Variants in PDE11A observed in about 807,000 individuals in gnomAD.
The protein encoded by PDE11A is phosphodiesterase 11A, also known as dual 3',5'-cyclic-AMP and -GMP phosphodiesterase 11A.
A neutral mutation model predicts 100.5 loss-of-function variants in PDE11A; 100 were observed. The ratio of observed to expected loss-of-function variants is 1.00; its 90% CI spans 0.85 to 1.18. The LOEUF (loss-of-function observed/expected upper bound fraction) is 1.18. Among genes scored for constraint, PDE11A ranks in the 50% most tolerant of loss-of-function variants. PDE11A has a pLI of 0.00. For synonymous variants in PDE11A, 381 were observed against 420.8 expected (o/e 0.91, Z 1.16); for missense variants, 1,141 against 1,152.6 (o/e 0.99, Z 0.15).
At chr2:177,753,778 G>C (rs983235030) in intron 10 of PDE11A, among the ~76,000 whole-genome samples, 1 of 150,898 alleles carries the variant, frequency 6.6e-6, no homozygotes, top group South Asian at 2.1e-4. Context: ...GATAAGATTG[G>C]GGGGGCCAAC....
At chr2:177,805,040 C>T (rs529168825) in intron 9 of PDE11A, among the ~76,000 whole-genome samples, 27 of 151,312 alleles carry the variant, frequency 1.8e-4, no homozygotes, top group African/African-American at 6.1e-4. Context: ...ATAATATATC[C>T]ATGTAAGAAA....
intron 3 of PDE11A, among the ~76,000 whole-genome samples, chr2:177,899,839 C>A (rs1310514606): frequency 6.6e-6 from 1 of 150,892 alleles, no homozygotes; most frequent in Non-Finnish European, 1.5e-5. Flanking sequence ...GGAAATACTG[C>A]TTTATCCCAA....
intron 2 of PDE11A, among the ~76,000 whole-genome samples, chr2:177,914,636 G>A (rs577080309): frequency 2.0e-4 from 30 of 152,244 alleles, no homozygotes; most frequent in Non-Finnish European, 3.4e-4. Context: ...AGGTATAAAT[G>A]CAGGAAGCTA....
At chr2:178,077,252 CTTTCTTTCTTT>C (rs1478389032), upstream of PDE11A, among the ~76,000 whole-genome samples, 28 of 72,888 alleles carry the variant, frequency 3.8e-4, no homozygotes, top group Non-Finnish European at 7.1e-4. Context: ...CTTTTCTTTT[CTTTCTTTCTTT>C]TTTTTTTTTT....
intron 9 of PDE11A, among the ~76,000 whole-genome samples, chr2:177,772,032 A>AAATAAATAAAT (rs1558930688): frequency 1.9e-3 from 266 of 141,296 alleles, no homozygotes; most frequent in African/African-American, 7.5e-3. Context: ...AATAAATAAA[A>AAATAAATAAAT]ATAATGCTAC....
chr2:177,664,781 G>A (rs895146436), intron 18 of PDE11A, among the ~76,000 whole-genome samples: 1 of 152,016 alleles, frequency 6.6e-6, no homozygotes, highest in Non-Finnish European at 1.5e-5. Context: ...CTAGAAGACT[G>A]GGCTATCTAG....
rs1218214485 is a variant in PDE11A at position 177,675,457 on chromosome 2, G to C, written c.2485C>G (p.Gln829Glu). 1 of 1,610,816 alleles carries C rather than the reference G, an allele frequency of 6.2e-7. No individual in the cohort carries two copies. ...CCCTGCCATTAATCACCACTTGCCT[G>C]TCTGGAGATCTCCCACGGTTTGGTC... is the stretch of plus-strand genomic sequence containing the variant. ...AVTKPWEISRQVAELVTSEFF... is the reference protein window; with the variant it reads ...AVTKPWEISREVAELVTSEFF... Residue 829 changes from glutamine to glutamate, a missense_variant and splice_region_variant, in exon 17 of 20, where the codon CAG (glutamine) becomes GAG (glutamate). Transcript: ENST00000286063.
intron 5 of PDE11A, among the ~76,000 whole-genome samples, chr2:177,844,750 A>C (rs910090031): frequency 2.0e-5 from 3 of 150,938 alleles, no homozygotes. Flanking sequence ...CTTAACGAGC[A>C]TGCTGCCTTC....
intron 5 of PDE11A, among the ~76,000 whole-genome samples, chr2:177,853,639 T>TGC (rs2083757072): frequency 4.2e-4 from 3 of 7,066 alleles, no homozygotes; most frequent in East Asian, 0.012. Flanking sequence ...GTCCTGCATA[T>TGC]ATATATATAT....
intron 1 of PDE11A, among the ~76,000 whole-genome samples, chr2:178,062,247 A>G (rs1164537494): frequency 6.6e-6 from 1 of 150,424 alleles, no homozygotes; most frequent in Non-Finnish European, 1.5e-5. Context: ...AAGGAGGGCT[A>G]TGGCTAGGGC....
chr2:177,643,345 T>A (rs554214608), intron 19 of PDE11A, among the ~76,000 whole-genome samples: 1 of 152,112 alleles, frequency 6.6e-6, no homozygotes, highest in Non-Finnish European at 1.5e-5. Flanking sequence ...TGGTCTCAGA[T>A]GGAGATGAGG....
At chr2:177,912,165 G>A (rs769594271) in intron 2 of PDE11A, among the ~76,000 whole-genome samples, 5 of 152,230 alleles carry the variant, frequency 3.3e-5, no homozygotes, top group Admixed American at 1.3e-4. Context: ...ATCCTAAAGC[G>A]TGAATCTTTA....
intron 3 of PDE11A, among the ~76,000 whole-genome samples, chr2:177,898,942 T>C (rs2084656429): frequency 6.6e-6 from 1 of 152,214 alleles, no homozygotes; most frequent in Non-Finnish European, 1.5e-5. Flanking sequence ...ACCCCATTTC[T>C]CTGGAGTCTG....
intron 2 of PDE11A, among the ~76,000 whole-genome samples, chr2:177,979,842 C>A (rs1365064422): frequency 2.0e-5 from 3 of 149,852 alleles, no homozygotes; most frequent in African/African-American, 7.3e-5. Context: ...GATCTCCTGA[C>A]CTCATGATCC....
chr2:178,051,805 A>C (rs1179309392), intron 1 of PDE11A, among the ~76,000 whole-genome samples: 1 of 152,224 alleles, frequency 6.6e-6, no homozygotes, highest in Admixed American at 6.5e-5. Flanking sequence ...TTCAACAAGA[A>C]GAGCTAACTA....
intron 2 of PDE11A, among the ~76,000 whole-genome samples, chr2:178,078,970 A>T (rs2087249821): frequency 6.6e-6 from 1 of 152,216 alleles, no homozygotes; most frequent in African/African-American, 2.4e-5. Context: ...ACCACTGATG[A>T]AGTCTGACAG....
chr2:178,059,146 G>T (rs879652750), intron 1 of PDE11A, among the ~76,000 whole-genome samples: 1 of 152,172 alleles, frequency 6.6e-6, no homozygotes, highest in Admixed American at 6.5e-5. Context: ...TGGGTTCTCA[G>T]CCTCTGCCTC....
chr2:177,836,730 A>C (rs746549526), intron 6 of PDE11A, among the ~76,000 whole-genome samples: 1 of 152,190 alleles, frequency 6.6e-6, no homozygotes, highest in African/African-American at 2.4e-5. Context: ...TCCTGAGGCC[A>C]GTGAGACCAC....
intron 4 of PDE11A, among the ~76,000 whole-genome samples, chr2:177,885,549 A>G (rs186127089): frequency 2.5e-4 from 38 of 152,324 alleles, no homozygotes; most frequent in Non-Finnish European, 4.9e-4. Context: ...GCACACTAGA[A>G]AAACACTTGG....
Sources: gnomAD v4.1 joint callset for allele counts (sites outside exome capture counted in the v4.1 genomes callset) on GRCh38, gnomAD v4.1.1 for gene constraint, MANE v1.5 for transcripts, NCBI Gene and HGNC (gene_info 2026-07-23, HGNC 2026-07-21) for gene names.